Variants in BICD1 observed in about 807,000 individuals in gnomAD.
The protein encoded by BICD1 is protein bicaudal D homolog 1.
Under a neutral mutation model 92.5 loss-of-function variants are expected in BICD1, and 35 were observed. That is an observed-to-expected ratio of 0.38 (90% CI 0.29 to 0.50). The LOEUF (loss-of-function observed/expected upper bound fraction) is 0.50, where lower values mean the gene tolerates loss of function less well. Ranked by LOEUF, BICD1 falls within the 20% of genes least tolerant of loss-of-function variation. BICD1 has a pLI of 0.93. For synonymous variants in BICD1, 429 were observed against 465.1 expected (o/e 0.92, Z 1.00); for missense variants, 950 against 1,189.8 (o/e 0.80, Z 2.97).
intron 4 of BICD1, among the ~76,000 whole-genome samples, chr12:32,323,635 A>T (rs1417432612): frequency 2.0e-5 from 3 of 152,228 alleles, no homozygotes; most frequent in Non-Finnish European, 2.9e-5. Flanking sequence ...TTTCATAGGT[A>T]TGGACAAACA....
intron 2 of BICD1, among the ~76,000 whole-genome samples, chr12:32,234,598 A>T (rs571546309): frequency 6.8e-6 from 1 of 147,870 alleles, no homozygotes; most frequent in East Asian, 1.9e-4. Flanking sequence ...CTCCGTCTCA[A>T]AAAAAAAAAA....
chr12:32,127,257 CT>C (rs1942379889), intron 1 of BICD1, among the ~76,000 whole-genome samples: 1 of 152,098 alleles, frequency 6.6e-6, no homozygotes, highest in African/African-American at 2.4e-5. Context: ...CCTATATTGT[CT>C]TCTGAATATC....
intron 5 of BICD1, chr12:32,332,521 G>GGA: frequency 2.3e-6 from 2 of 864,232 alleles, no homozygotes; most frequent in Non-Finnish European, 2.8e-6. Flanking sequence ...TGTGCTAGAT[G>GGA]CTGAAGATTC....
chr12:32,261,085 A>G (rs1477168581), intron 2 of BICD1, among the ~76,000 whole-genome samples: 1 of 152,236 alleles, frequency 6.6e-6, no homozygotes, highest in Non-Finnish European at 1.5e-5. Flanking sequence ...GAGAGTTCTC[A>G]GATGATGAGG....
intron 3 of BICD1, among the ~76,000 whole-genome samples, chr12:32,302,096 T>C (rs11051913): frequency 0.17 from 26,060 of 151,968 alleles, 2,787 homozygotes; most frequent in East Asian, 0.4. Flanking sequence ...CTGTGTTAGC[T>C]AGGATGGTCT....
intron 3 of BICD1, among the ~76,000 whole-genome samples, chr12:32,304,417 A>G (rs547260119): frequency 2.6e-5 from 4 of 152,280 alleles, no homozygotes; most frequent in African/African-American, 7.2e-5. Flanking sequence ...TTCATTCTCC[A>G]TAGTTCTTTA....
chr12:32,229,767 C>G (rs1283991901), intron 2 of BICD1, among the ~76,000 whole-genome samples: 1 of 152,106 alleles, frequency 6.6e-6, no homozygotes, highest in Non-Finnish European at 1.5e-5. Flanking sequence ...ACGAGATGGG[C>G]TCACGTGCAA....
At position 32,234,596 on chromosome 12, in the gene BICD1, C is replaced by G. The variant is rs187207013; in HGVS notation, c.426+18137C>G. Among the ~76,000 whole-genome samples, 273 of 76,326 alleles carry G rather than the reference C, an allele frequency of 3.6e-3. 1 individual carries two copies. Among genetic ancestry groups the G allele is most frequent in the African/African-American group, 0.011 (262 of 23,674 alleles). 50.1% of individuals were successfully genotyped at this position (76,326 alleles called of 152,430 possible). On this transcript the variant is annotated intron_variant, in intron 2 of 9. Coordinates refer to ENST00000652176, the MANE Select transcript of BICD1 (RefSeq NM_001714.4). ...GGGCAACAAGAGCAAAACTCCGTCTCAAAAAAAAAAAAAGAAAGAAAGAAA... is the reference window on the plus strand; with the variant it reads ...GGGCAACAAGAGCAAAACTCCGTCTGAAAAAAAAAAAAAGAAAGAAAGAAA...
At chr12:32,261,026 G>A (rs747207844) in intron 2 of BICD1, among the ~76,000 whole-genome samples, 8 of 152,168 alleles carry the variant, frequency 5.3e-5, no homozygotes, top group Non-Finnish European at 8.8e-5. Flanking sequence ...TTTCCTGACT[G>A]GGCTAGGCAA....
At chr12:32,334,760 G>T in intron 6 of BICD1, 93 bp downstream of exon 6, 20 of 1,405,912 alleles carry the variant, frequency 1.4e-5, no homozygotes, top group Non-Finnish European at 1.8e-5. Context: ...GAGTGTATTC[G>T]GTGAGTAGTC....
chr12:32,367,978 C>T (rs773848204), intron 9 of BICD1: 27 of 469,206 alleles, frequency 5.8e-5, no homozygotes, highest in Non-Finnish European at 8.9e-5. Flanking sequence ...CTACAGGCTG[C>T]CTTCAGCCCC....
chr12:32,128,168 T>C (rs1025402311), intron 1 of BICD1, among the ~76,000 whole-genome samples: 1 of 152,200 alleles, frequency 6.6e-6, no homozygotes, highest in Non-Finnish European at 1.5e-5. Context: ...CCTCCCAAAG[T>C]GTTGGGATCA....
intron 1 of BICD1, among the ~76,000 whole-genome samples, chr12:32,126,922 T>A (rs1942366903): frequency 6.6e-6 from 1 of 152,222 alleles, no homozygotes; most frequent in Non-Finnish European, 1.5e-5. Flanking sequence ...GCCTCTTCAG[T>A]ATTTACAGGC....
At chr12:32,225,621 G>GTTTTTTTTTTTTTTTTTTTTTTT (rs58895470) in intron 2 of BICD1, among the ~76,000 whole-genome samples, 1 of 92,776 alleles carries the variant, frequency 1.1e-5, no homozygotes, top group African/African-American at 3.7e-5. Flanking sequence ...CTTTTTTTCT[G>GTTTTTTTTTTTTTTTTTTTTTTT]TTTTTTTTTT....
intron 1 of BICD1, among the ~76,000 whole-genome samples, chr12:32,157,196 T>C (rs1352446304): frequency 1.3e-5 from 2 of 151,158 alleles, no homozygotes; most frequent in Non-Finnish European, 1.5e-5. Context: ...ATTACTCTTG[T>C]CTATTATAAT....
Position 32,152,316 on chromosome 12 carries a change from A to G in BICD1, c.213+44772A>G, listed in dbSNP as rs947672657. ...TAGGCTGGTGTGCCATGGCATGATCATAGCTCACTTTAACCTTGAACTCCT... is the reference window on the plus strand; with the variant it reads ...TAGGCTGGTGTGCCATGGCATGATCGTAGCTCACTTTAACCTTGAACTCCT... On this transcript the variant is annotated intron_variant, in intron 1 of 9. Transcript: ENST00000652176. Among the ~76,000 whole-genome samples the G allele has an allele frequency of 2.7e-5, 4 of 150,918 alleles. 1 individual carries two copies. The highest frequency in any genetic ancestry group is 2.4e-5 in the African/African-American group (1 of 40,966).
chr12:32,202,199 G>T (rs1436904607), intron 1 of BICD1, among the ~76,000 whole-genome samples: 1 of 152,208 alleles, frequency 6.6e-6, no homozygotes, highest in African/African-American at 2.4e-5. Flanking sequence ...TGGGCAGATG[G>T]CGTCTGTTTG....
At chr12:32,254,194 C>T (rs1167582607) in intron 2 of BICD1, among the ~76,000 whole-genome samples, 4 of 149,046 alleles carry the variant, frequency 2.7e-5, no homozygotes, top group African/African-American at 4.9e-5. Context: ...CTGCCGAATC[C>T]CACCTGCCAT....
At chr12:32,282,315 G>T (rs2136171326) in intron 2 of BICD1, among the ~76,000 whole-genome samples, 1 of 145,392 alleles carries the variant, frequency 6.9e-6, no homozygotes, top group Admixed American at 7.3e-5. Context: ...CCACCTCCTG[G>T]ACTCAAGTGA....
Sources: gnomAD v4.1 joint callset for allele counts (sites outside exome capture counted in the v4.1 genomes callset) on GRCh38, gnomAD v4.1.1 for gene constraint, MANE v1.5 for transcripts, NCBI Gene and HGNC (gene_info 2026-07-23, HGNC 2026-07-21) for gene names.